RAP1B: variants seen among roughly 807,000 people sequenced by gnomAD.
RAP1B encodes the protein ras-related protein Rap-1b.
Under a neutral mutation model 27.5 loss-of-function variants are expected in RAP1B, and 1 was observed. The observed-to-expected ratio is 0.04, with a 90% CI of 0.01 to 0.17. RAP1B has a LOEUF of 0.17. Among genes scored for constraint, RAP1B ranks in the 10% least tolerant of loss-of-function variants. RAP1B has a pLI of 1.00. For missense variants in RAP1B, 84 were observed against 214.8 expected (o/e 0.39, Z 3.81); for synonymous variants, 75 against 73.1 (o/e 1.03, Z -0.13).
chr12:68,638,683 A>C lies in RAP1B; in HGVS notation c.-26-10016A>C, dbSNP rs567176636. On this transcript the variant is annotated intron_variant, in intron 1 of 7. Transcript: ENST00000250559. ...CTAACTTTTTTTTGTTTTTTGAGAC[A>C]GAGTCTCACTCTGTATGCCTAAGCT... 3.9e-5 allele frequency among the ~76,000 whole-genome samples: 6 copies of C among 152,152 alleles called. No individual in the cohort carries two copies. The South Asian group carries it at 1.2e-3, about 32-fold the overall frequency.
At position 68,616,730 on chromosome 12, in the gene RAP1B, G is replaced by A. The variant is rs540015754; in HGVS notation, c.-27+5687G>A. 4.6e-5 allele frequency among the ~76,000 whole-genome samples: 7 copies of A among 152,104 alleles called. No individual in the cohort carries two copies. The South Asian group carries it at 6.2e-4, about 14-fold the overall frequency. On this transcript the variant is annotated intron_variant, in intron 1 of 7. Transcript: ENST00000250559. The stretch of plus-strand genomic sequence containing the variant: ...ATTACAGGCATGAGCCACCGCGCCC[G>A]GCCAGGTTTTGTATTTTTTGTAGAG...
intron 7 of RAP1B, among the ~76,000 whole-genome samples, chr12:68,657,993 C>T (rs1164271010): frequency 1.3e-5 from 2 of 152,008 alleles, no homozygotes; most frequent in African/African-American, 2.4e-5. Context: ...TAAAGGTGTA[C>T]CATGGGGTTT....
intron 1 of RAP1B, among the ~76,000 whole-genome samples, chr12:68,630,581 C>G (rs1555171481): frequency 6.6e-6 from 1 of 152,130 alleles, no homozygotes; most frequent in Non-Finnish European, 1.5e-5. Context: ...TAGCAATAAT[C>G]ATTACACGTA....
intron 7 of RAP1B, among the ~76,000 whole-genome samples, chr12:68,658,125 T>TA (rs1874359674): frequency 6.6e-6 from 1 of 152,236 alleles, no homozygotes; most frequent in Non-Finnish European, 1.5e-5. Context: ...GTTAAACTGT[T>TA]AATTTATTCT....
At chr12:68,639,417 A>G (rs1465218441) in intron 1 of RAP1B, among the ~76,000 whole-genome samples, 1 of 152,246 alleles carries the variant, frequency 6.6e-6, no homozygotes, top group Non-Finnish European at 1.5e-5. Flanking sequence ...GTTACTTTCT[A>G]CAGCTTGTTG....
Position 68,632,132 on chromosome 12 carries a change from T to G in RAP1B, c.-26-16567T>G, listed in dbSNP as rs868535709. 9.8e-3 allele frequency among the ~76,000 whole-genome samples: 1,299 copies of G among 132,350 alleles called. 9 individuals carry two copies. The highest frequency in any genetic ancestry group is 0.02 in the South Asian group (86 of 4,410). 86.8% of individuals were successfully genotyped at this position (132,350 alleles called of 152,430 possible). The stretch of plus-strand genomic sequence containing the variant: ...CAGTTTTTTGGGTTTTGGATTTGTT[T>G]TTTTTTTTTTTTTGTTTGTTTTTTT... On this transcript the variant is annotated intron_variant, in intron 1 of 7. Transcript: ENST00000250559.
intron 1 of RAP1B, among the ~76,000 whole-genome samples, chr12:68,622,956 C>T (rs1871487812): frequency 6.6e-6 from 1 of 152,210 alleles, no homozygotes. Context: ...CTGCCTCAGA[C>T]TCCCAAAGTG....
intron 5 of RAP1B, among the ~76,000 whole-genome samples, chr12:68,655,412 T>C (rs1303417436): frequency 6.6e-6 from 1 of 152,160 alleles, no homozygotes; most frequent in Non-Finnish European, 1.5e-5. Context: ...TGCTTTTATT[T>C]TCTGGACTTC....
intron 1 of RAP1B, among the ~76,000 whole-genome samples, chr12:68,622,224 T>C (rs1871434356): frequency 1.3e-5 from 2 of 152,202 alleles, no homozygotes; most frequent in African/African-American, 4.8e-5. Flanking sequence ...GCTGTGTTTC[T>C]GTAATACCAC....
rs903677414 is a variant in RAP1B, at chr12:68,661,004, A to G, written c.*1755A>G. 2 of 152,226 alleles carry G rather than the reference A, an allele frequency of 1.3e-5. No homozygotes were observed. Among genetic ancestry groups the G allele is most frequent in the African/African-American group, 4.8e-5 (2 of 41,460 alleles). 9.4% of individuals were successfully genotyped at this position (152,226 alleles called of 1,614,324 possible). ...TGAATTCTGTAAGAACTGAATTCTT[A>G]TAGAATTATTTTAAAACTTTTTAAA... On this transcript the variant is annotated 3_prime_UTR_variant, in exon 8 of 8. Transcript: ENST00000250559.
intron 7 of RAP1B, among the ~76,000 whole-genome samples, chr12:68,658,239 C>G (rs1167185575): frequency 2.6e-5 from 4 of 152,148 alleles, no homozygotes; most frequent in African/African-American, 4.8e-5. Flanking sequence ...TTATTCCTGC[C>G]TTCCATCTAG....
chr12:68,627,943 A>AT (rs1450439549), intron 1 of RAP1B, among the ~76,000 whole-genome samples: 1 of 151,960 alleles, frequency 6.6e-6, no homozygotes, highest in Non-Finnish European at 1.5e-5. Context: ...TCTGCAAAAA[A>AT]TTTAAAAAAA....
Position 68,650,438 on chromosome 12 carries a change from C to T in RAP1B, c.96C>T (p.Tyr32=), listed in dbSNP as rs144054951. The T allele has an allele frequency of 1.0e-5, 16 of 1,557,798 alleles. No individual in the cohort carries two copies. Among genetic ancestry groups the T allele is most frequent in the South Asian group, 6.0e-5 (5 of 83,072 alleles). The change falls in exon 3 of 8, where the codon TAC becomes TAT. Residue 32 remains tyrosine (Y), a synonymous_variant. Transcript: ENST00000250559. ...TTCAAGGAATTTTTGTAGAAAAATACGATCCTACGATAGAAGATTCTTATA... is the reference window on the plus strand; with the variant it reads ...TTCAAGGAATTTTTGTAGAAAAATATGATCCTACGATAGAAGATTCTTATA... ...QFVQGIFVEK[Y]DPTIEDSYRK... is the part of the protein sequence containing the mutation.
At chr12:68,613,167 C>T (rs1029559751) in intron 1 of RAP1B, among the ~76,000 whole-genome samples, 41 of 152,046 alleles carry the variant, frequency 2.7e-4, no homozygotes, top group East Asian at 5.8e-4. Flanking sequence ...CGAGAACAGC[C>T]TGGGCAACAT....
Position 68,610,975 on chromosome 12 carries a change from G to C in RAP1B, c.-95G>C, listed in dbSNP as rs1184635471. 1 of 317,316 alleles carries C rather than the reference G, an allele frequency of 3.2e-6. No individual in the cohort carries two copies. The highest frequency in any genetic ancestry group is 5.8e-6 in the Non-Finnish European group (1 of 173,182). 19.7% of individuals were successfully genotyped at this position (317,316 alleles called of 1,614,324 possible). A position where few individuals can be genotyped will look rare whatever the true frequency, so the allele number is the denominator to read the frequency against. The stretch of plus-strand genomic sequence containing the variant: ...GCGGCAGCGGCAGGACCGCCGTGGC[G>C]CCTAGAGTAGCGACCCGGGGGGAGC... On this transcript the variant is annotated 5_prime_UTR_variant, in exon 1 of 8. Transcript: ENST00000250559.
At chr12:68,615,018 G>C (rs1190918194) in intron 1 of RAP1B, among the ~76,000 whole-genome samples, 1 of 152,178 alleles carries the variant, frequency 6.6e-6, no homozygotes, top group Non-Finnish European at 1.5e-5. Flanking sequence ...TTTGGTCGTG[G>C]AGAGTTTCTA....
chr12:68,635,806 A>G (rs989616372), intron 1 of RAP1B, among the ~76,000 whole-genome samples: 2 of 151,952 alleles, frequency 1.3e-5, no homozygotes, highest in Non-Finnish European at 2.9e-5. Context: ...AACTGGGGTT[A>G]GGGGGTGAGT....
intron 1 of RAP1B, among the ~76,000 whole-genome samples, 181 bp downstream of exon 1, chr12:68,611,224 C>T (rs1213873112): frequency 6.8e-6 from 1 of 147,128 alleles, no homozygotes; most frequent in Non-Finnish European, 1.5e-5. Context: ...GGCGCCGGGC[C>T]CGCGAGCGCG....
chr12:68,624,309 T>G (rs1871595310), intron 1 of RAP1B, among the ~76,000 whole-genome samples: 1 of 152,192 alleles, frequency 6.6e-6, no homozygotes, highest in Non-Finnish European at 1.5e-5. Context: ...CACTAACATT[T>G]TTTTAAATGT....
Sources: gnomAD v4.1 joint callset for allele counts (sites outside exome capture counted in the v4.1 genomes callset) on GRCh38, gnomAD v4.1.1 for gene constraint, MANE v1.5 for transcripts, NCBI Gene and HGNC (gene_info 2026-07-23, HGNC 2026-07-21) for gene names.